HMG20A: variants seen among roughly 807,000 people sequenced by gnomAD.
HMG20A encodes the protein high mobility group 20A.
HMG20A carries 17 observed loss-of-function variants against 43.9 expected under a neutral mutation model. The ratio of observed to expected loss-of-function variants is 0.39; its 90% CI spans 0.27 to 0.58. The LOEUF is 0.58. Among genes scored for constraint, HMG20A ranks in the 20% least tolerant of loss-of-function variants. The pLI is 0.59. For missense variants in HMG20A, 341 were observed against 438.2 expected (o/e 0.78, Z 1.98); for synonymous variants, 132 against 147.5 (o/e 0.89, Z 0.76).
At chr15:77,494,786 A>G in the HMG20A span, among the ~76,000 whole-genome samples, 1 of 152,250 alleles carries the variant, frequency 6.6e-6, no homozygotes, top group Admixed American at 6.5e-5. Flanking sequence ...GATATAGATT[A>G]TGGAAAATTA....
chr15:77,519,796 GA>G, the HMG20A span, among the ~76,000 whole-genome samples: 3 of 152,246 alleles, frequency 2.0e-5, no homozygotes, highest in African/African-American at 4.8e-5. Context: ...CACCCAATCA[GA>G]GTGGGCAGGG....
At chr15:77,462,531 G>T (rs2072713805) in intron 2 of HMG20A, among the ~76,000 whole-genome samples, 1 of 151,780 alleles carries the variant, frequency 6.6e-6, no homozygotes, top group Admixed American at 6.6e-5. Flanking sequence ...GTTTCCAGTT[G>T]TCTGTGGTAC....
At chr15:77,423,395 C>T (rs1333924059) in intron 1 of HMG20A, among the ~76,000 whole-genome samples, 1 of 151,684 alleles carries the variant, frequency 6.6e-6, no homozygotes, top group Non-Finnish European at 1.5e-5. Context: ...TTCTTAATGC[C>T]CTTTGTGCAG....
chr15:77,471,872 G>T, intron 6 of HMG20A, 58 bp downstream of exon 6: 4 of 967,904 alleles, frequency 4.1e-6, no homozygotes, highest in African/African-American at 1.7e-5. Context: ...GTTGCTTTTT[G>T]AAATGCTATT....
chr15:77,451,986 A>T (rs2072607715), intron 1 of HMG20A, among the ~76,000 whole-genome samples: 1 of 152,258 alleles, frequency 6.6e-6, no homozygotes, highest in Admixed American at 6.5e-5. Context: ...CACTCCTTAC[A>T]AATAATAAAG....
At chr15:77,520,014 C>A in the HMG20A span, among the ~76,000 whole-genome samples, 1 of 152,132 alleles carries the variant, frequency 6.6e-6, no homozygotes, top group African/African-American at 2.4e-5. Context: ...TCCTGGCTAA[C>A]ATGGTGAAAC....
intron 1 of HMG20A, among the ~76,000 whole-genome samples, chr15:77,439,590 C>A (rs1389550686): frequency 1.3e-5 from 2 of 152,130 alleles, no homozygotes; most frequent in Non-Finnish European, 2.9e-5. Flanking sequence ...TAGTATTCCA[C>A]TGATTTCATT....
chr15:77,434,062 C>A (rs1433361075), intron 1 of HMG20A, among the ~76,000 whole-genome samples: 1 of 152,078 alleles, frequency 6.6e-6, no homozygotes, highest in East Asian at 1.9e-4. Context: ...AATTGAGAGC[C>A]CAGAAACAAT....
At chr15:77,474,215 G>A (rs954410556) in intron 6 of HMG20A, among the ~76,000 whole-genome samples, 2 of 152,110 alleles carry the variant, frequency 1.3e-5, no homozygotes, top group African/African-American at 2.4e-5. Flanking sequence ...AAAATGGCTT[G>A]AGCAGAGGTA....
intron 1 of HMG20A, among the ~76,000 whole-genome samples, chr15:77,455,051 T>G (rs529730068): frequency 8.7e-4 from 132 of 151,788 alleles, no homozygotes; most frequent in Non-Finnish European, 4.3e-4. Flanking sequence ...CTTAGGGAAG[T>G]GGGGTTAGCA....
Position 77,464,379 on chromosome 15 carries a change from G to A in HMG20A, c.229G>A (p.Glu77Lys). The stretch of plus-strand genomic sequence containing the variant: ...AGCAGAAGGCAATGAACAGAGGCAT[G>A]AAGATGAGGTAAGCTGAAGTATCTC... Reference protein sequence around the residue: ...NAAEGNEQRHEDEQRSKRGGW... With the variant: ...NAAEGNEQRHKDEQRSKRGGW... Residue 77 changes from glutamate to lysine, a missense_variant, in exon 3 of 10, where the codon GAA becomes AAA. By Grantham distance (56) the Glu-to-Lys change is moderately conservative. Transcript: ENST00000336216. 1 of 1,613,508 alleles carries A rather than the reference G, an allele frequency of 6.2e-7. No homozygotes were observed. The highest frequency in any genetic ancestry group is 8.5e-7 in the Non-Finnish European group (1 of 1,179,592).
At chr15:77,469,511 T>C (rs892685283) in intron 4 of HMG20A, among the ~76,000 whole-genome samples, 2 of 152,058 alleles carry the variant, frequency 1.3e-5, no homozygotes, top group Admixed American at 6.5e-5. Context: ...TTATTTTATG[T>C]TTTGTAGAGA....
intron 4 of HMG20A, among the ~76,000 whole-genome samples, chr15:77,468,221 A>C (rs2072773863): frequency 6.6e-6 from 1 of 152,222 alleles, no homozygotes; most frequent in Non-Finnish European, 1.5e-5. Flanking sequence ...TGGGCTGTAC[A>C]TACTATGCTA....
chr15:77,439,027 T>C (rs1442304221), intron 1 of HMG20A, among the ~76,000 whole-genome samples: 1 of 151,710 alleles, frequency 6.6e-6, no homozygotes, highest in Non-Finnish European at 1.5e-5. Context: ...TCTCCTTACC[T>C]CGTGATCCAC....
intron 1 of HMG20A, among the ~76,000 whole-genome samples, chr15:77,423,025 G>A (rs1356258015): frequency 3.3e-5 from 5 of 152,120 alleles, no homozygotes; most frequent in Non-Finnish European, 7.4e-5. Context: ...AAAAAATAGA[G>A]AATATCATGT....
chr15:77,433,072 A>G (rs1026802899), intron 1 of HMG20A, among the ~76,000 whole-genome samples: 1 of 152,230 alleles, frequency 6.6e-6, no homozygotes, highest in African/African-American at 2.4e-5. Context: ...AATTGAATTC[A>G]GTATTTAAAA....
intron 4 of HMG20A, among the ~76,000 whole-genome samples, chr15:77,469,702 C>T (rs370846462): frequency 7.9e-5 from 12 of 152,128 alleles, no homozygotes; most frequent in African/African-American, 2.7e-4. Flanking sequence ...GAATCTTGCT[C>T]TGTCGCCCAA....
At chr15:77,453,420 A>T (rs8032071) in intron 1 of HMG20A, among the ~76,000 whole-genome samples, 1 of 152,010 alleles carries the variant, frequency 6.6e-6, no homozygotes, top group Non-Finnish European at 1.5e-5. Context: ...AATAAAAAAG[A>T]TAATACCAAG....
Position 77,481,185 on chromosome 15 carries a change from C to G in HMG20A, c.*7-1785C>G, listed in dbSNP as rs1014178532. Among the ~76,000 whole-genome samples, 5 of 152,136 alleles carry G rather than the reference C, an allele frequency of 3.3e-5. No homozygotes were observed. The East Asian group carries it at 7.7e-4, about 23-fold the overall frequency. ...TGGATGGTAACTGTACAAGGCAATG[C>G]ATTATATTTTAGCCTCAGCCATGCT... On this transcript the variant is annotated intron_variant, in intron 9 of 9. Coordinates refer to ENST00000336216, the MANE Select transcript of HMG20A (RefSeq NM_001304504.2).
Sources: allele counts gnomAD v4.1 joint callset (sites outside exome capture counted in the v4.1 genomes callset), GRCh38; gene constraint gnomAD v4.1.1; transcripts MANE v1.5; gene names NCBI Gene and HGNC (gene_info 2026-07-23, HGNC 2026-07-21).